Variants in NKAIN3 observed in about 807,000 individuals in gnomAD.
NKAIN3 encodes sodium/potassium-transporting ATPase subunit beta-1-interacting protein 3.
In NKAIN3, 25 loss-of-function variants were observed where a neutral mutation model predicts 30.2. The observed-to-expected ratio is 0.83, with a 90% CI of 0.60 to 1.16. The LOEUF is 1.16. NKAIN3 is among the 50% of genes most tolerant of loss of function. The probability of loss-of-function intolerance (pLI) is 0.00; values close to 1 mark genes in which losing one functional copy is unlikely to be tolerated. For missense variants in NKAIN3, 225 were observed against 254.1 expected, an observed-to-expected ratio of 0.89 and a Z score of 0.78; for synonymous variants, 91 against 89.6, an observed-to-expected ratio of 1.02 and a Z score of -0.09.
intron 1 of NKAIN3, among the ~76,000 whole-genome samples, chr8:62,410,345 T>C (rs1230912996): frequency 6.6e-6 from 1 of 152,230 alleles, no homozygotes; most frequent in Admixed American, 6.5e-5. Context: ...ACATTTTCTT[T>C]ATCCCATCTA....
chr8:62,669,197 C>G (rs1166473248), intron 3 of NKAIN3, among the ~76,000 whole-genome samples: 1 of 152,206 alleles, frequency 6.6e-6, no homozygotes, highest in African/African-American at 2.4e-5. Flanking sequence ...CTGCCCAACA[C>G]AGAACTCCTC....
Position 62,289,720 on chromosome 8 carries a change from A to G in NKAIN3, c.54+40593A>G, listed in dbSNP as rs150430381. On this transcript the variant is annotated intron_variant, in intron 1 of 6. Transcript: ENST00000623646. ...CTTTTGGCTTAGGATTGTCTTGGCA[A>G]TGTGGGCTATTTTTGGTTTCATATG... Among the ~76,000 whole-genome samples, 995 of 152,238 alleles carry G rather than the reference A, an allele frequency of 6.5e-3. 6 individuals are homozygous for G. Among genetic ancestry groups the G allele is most frequent in the Non-Finnish European group, 8.0e-3 (543 of 68,028 alleles).
chr8:62,252,698 T>C (rs907097633), intron 1 of NKAIN3, among the ~76,000 whole-genome samples: 6 of 152,246 alleles, frequency 3.9e-5, no homozygotes, highest in Non-Finnish European at 7.3e-5. Context: ...AAAGAAGTGA[T>C]TCATTACTGT....
chr8:62,453,420 C>A (rs370326201), intron 1 of NKAIN3, among the ~76,000 whole-genome samples: 2 of 151,964 alleles, frequency 1.3e-5, no homozygotes, highest in East Asian at 3.9e-4. Flanking sequence ...ACATCCACAT[C>A]AAAAAGTTAG....
In NKAIN3 at chr8:62,667,616, A is replaced by T. The variant is rs1285561681; in HGVS notation, c.273+77822A>T. ...CACCATTCCTGTCTAAGCCATCCTC[A>T]TTACTCATCTGTTGCATTAGCCTCC... On this transcript the variant is annotated intron_variant, in intron 3 of 6. Transcript: ENST00000623646. 4.0e-5 allele frequency among the ~76,000 whole-genome samples: 6 copies of T among 151,812 alleles called. No homozygotes were observed. The East Asian group carries it at 1.2e-3, about 29-fold the overall frequency.
chr8:62,879,467 G>C (rs1014291496), intron 4 of NKAIN3, among the ~76,000 whole-genome samples: 7 of 152,140 alleles, frequency 4.6e-5, no homozygotes, highest in African/African-American at 1.7e-4. Flanking sequence ...TAGGTTGCCT[G>C]TTCACTCTGA....
At chr8:62,657,989 C>G (rs1812814514) in intron 3 of NKAIN3, among the ~76,000 whole-genome samples, 1 of 151,920 alleles carries the variant, frequency 6.6e-6, no homozygotes, top group African/African-American at 2.4e-5. Context: ...GAAGAGAGTG[C>G]AGATCTCTCG....
intron 4 of NKAIN3, among the ~76,000 whole-genome samples, chr8:62,757,862 TG>T (rs2130609394): frequency 6.6e-6 from 1 of 152,336 alleles, no homozygotes; most frequent in South Asian, 2.1e-4. Flanking sequence ...GTGAAGGCCT[TG>T]GGCCTTTGCA....
intron 4 of NKAIN3, among the ~76,000 whole-genome samples, chr8:62,834,951 A>G (rs1249289753): frequency 4.6e-5 from 7 of 152,168 alleles, no homozygotes; most frequent in Non-Finnish European, 7.4e-5. Context: ...AGCAGTAATC[A>G]AAACAGCATG....
At chr8:62,531,759 G>A (rs1419686794) in intron 1 of NKAIN3, among the ~76,000 whole-genome samples, 2 of 152,102 alleles carry the variant, frequency 1.3e-5, no homozygotes, top group African/African-American at 4.8e-5. Flanking sequence ...TAACTAACTG[G>A]GCACTCACTC....
At chr8:62,856,284 G>C in intron 4 of NKAIN3, 1 of 932,706 alleles carries the variant, frequency 1.1e-6, no homozygotes, top group Admixed American at 1.7e-5. Context: ...CTCTGGACCA[G>C]ATTATAAATG....
chr8:62,252,612 T>G (rs1286763734), intron 1 of NKAIN3, among the ~76,000 whole-genome samples: 6 of 152,328 alleles, frequency 3.9e-5, no homozygotes. Context: ...CCTCCTGATT[T>G]TCCTAGATGA....
chr8:62,257,530 G>A (rs1377993491), intron 1 of NKAIN3, among the ~76,000 whole-genome samples: 1 of 152,056 alleles, frequency 6.6e-6, no homozygotes, highest in Non-Finnish European at 1.5e-5. Context: ...TTCCTTAAGT[G>A]GAAACTTCAT....
intron 1 of NKAIN3, among the ~76,000 whole-genome samples, chr8:62,441,868 G>A (rs972812710): frequency 6.6e-6 from 1 of 151,900 alleles, no homozygotes; most frequent in African/African-American, 2.4e-5. Flanking sequence ...GTTGTGTGGG[G>A]TTTTGATAAA....
chr8:62,362,355 C>T (rs993863984), intron 1 of NKAIN3, among the ~76,000 whole-genome samples: 4 of 152,032 alleles, frequency 2.6e-5, no homozygotes, highest in African/African-American at 7.2e-5. Flanking sequence ...GCTCATGCCA[C>T]GTAATTTCCA....
At chr8:62,450,003 T>A (rs1805594605) in intron 1 of NKAIN3, among the ~76,000 whole-genome samples, 1 of 152,198 alleles carries the variant, frequency 6.6e-6, no homozygotes, top group Non-Finnish European at 1.5e-5. Context: ...TATTGCAGTC[T>A]TTAGTTTAAA....
At chr8:62,310,851 G>A (rs1032255015) in intron 1 of NKAIN3, among the ~76,000 whole-genome samples, 1 of 150,330 alleles carries the variant, frequency 6.7e-6, no homozygotes, top group Non-Finnish European at 1.5e-5. Context: ...GAGAGTACAT[G>A]TGGGTGGACA....
chr8:62,674,850 T>C (rs1292663155), intron 3 of NKAIN3, among the ~76,000 whole-genome samples: 1 of 152,204 alleles, frequency 6.6e-6, no homozygotes, highest in Non-Finnish European at 1.5e-5. Flanking sequence ...GAACAGATGG[T>C]CTTGCTCTGC....
rs548083323 is a variant in NKAIN3 at position 62,794,442 on chromosome 8, T to C, written c.471+47313T>C. ...AAAAGCAGAGCTCAGTAACAGTACT[T>C]ACAAAATAGTCCTGGATTCTGAAGC... On this transcript the variant is annotated intron_variant, in intron 4 of 6. Coordinates refer to ENST00000623646, the MANE Select transcript of NKAIN3 (RefSeq NM_001304533.3). 5.3e-5 allele frequency among the ~76,000 whole-genome samples: 8 copies of C among 152,266 alleles called. No individual in the cohort carries two copies. The South Asian group carries it at 1.7e-3, about 32-fold the overall frequency.
Sources: gnomAD v4.1 joint callset for allele counts (sites outside exome capture counted in the v4.1 genomes callset) on GRCh38, gnomAD v4.1.1 for gene constraint, MANE v1.5 for transcripts, NCBI Gene and HGNC (gene_info 2026-07-23, HGNC 2026-07-21) for gene names.